The following NCKAP5 variants were observed in gnomAD, a reference collection of about 807,000 sequenced individuals.
NCKAP5 encodes the protein nck-associated protein 5.
NCKAP5 carries 92 observed loss-of-function variants against 167.0 expected under a neutral mutation model. The observed-to-expected ratio is 0.55, with a 90% CI of 0.47 to 0.66. NCKAP5 has a LOEUF of 0.66. Among genes scored for constraint, NCKAP5 ranks in the 30% least tolerant of loss-of-function variants. NCKAP5 has a pLI of 0.00. For synonymous variants in NCKAP5, 891 were observed against 877.4 expected (o/e 1.02, Z -0.27); for missense variants, 2,378 against 2,315.0 (o/e 1.03, Z -0.56).
At chr2:133,107,520 T>C (rs546748857) in intron 6 of NCKAP5, among the ~76,000 whole-genome samples, 1 of 152,314 alleles carries the variant, frequency 6.6e-6, no homozygotes, top group African/African-American at 2.4e-5. Context: ...TTTTGCTGAA[T>C]TATCATATTT....
At chr2:133,639,732 T>G in the NCKAP5 span, among the ~76,000 whole-genome samples, 2 of 152,174 alleles carry the variant, frequency 1.3e-5, no homozygotes, top group Non-Finnish European at 2.9e-5. Flanking sequence ...AATGTACCTC[T>G]GGAAAGGCTG....
At chr2:132,714,889 TTTCTAACATAC>T (rs1689218575) in intron 19 of NCKAP5, 1 of 456,158 alleles carries the variant, frequency 2.2e-6, no homozygotes, top group Non-Finnish European at 4.4e-6. Context: ...GTTATGGGCA[TTTCTAACATAC>T]CCAGCCAAAG....
chr2:133,142,426 C>T (rs1291190341), intron 5 of NCKAP5, among the ~76,000 whole-genome samples: 1 of 152,176 alleles, frequency 6.6e-6, no homozygotes, highest in African/African-American at 2.4e-5. Flanking sequence ...AGAAGAAACG[C>T]TTACATCATG....
intron 11 of NCKAP5, among the ~76,000 whole-genome samples, chr2:132,847,373 G>A (rs974852213): frequency 5.3e-5 from 8 of 152,242 alleles, no homozygotes; most frequent in African/African-American, 1.9e-4. Context: ...TCCTTTCAAA[G>A]AGGAGATAAC....
At chr2:133,352,002 G>T (rs1238441250) in intron 3 of NCKAP5, among the ~76,000 whole-genome samples, 2 of 151,944 alleles carry the variant, frequency 1.3e-5, no homozygotes, top group African/African-American at 4.8e-5. Context: ...CCCTTCCAAG[G>T]TTTTCCATTT....
chr2:132,784,851 G>A lies in NCKAP5; in HGVS notation c.1960C>T (p.Gln654Ter). The A allele has an allele frequency of 6.4e-7, 1 of 1,564,748 alleles. No individual in the cohort carries two copies. The highest frequency in any genetic ancestry group is 8.7e-7 in the Non-Finnish European group (1 of 1,155,912). Residue 654 changes from glutamine to a stop codon, truncating the protein, a stop_gained, in exon 14 of 20, where the codon CAG becomes TAG. Transcript: ENST00000409261. LOFTEE classifies it high-confidence loss of function. The stretch of plus-strand genomic sequence containing the variant: ...GAAGTCCTTTTTACAACTCTTTGCT[G>A]CTTAATGAAACTAAAAGTCTTTGGC... ...TRPKTFSFIKQQRVVKRTSSE... is the reference protein window; with the variant it reads ...TRPKTFSFIK
intron 4 of NCKAP5, among the ~76,000 whole-genome samples, chr2:133,215,825 G>A (rs1377371929): frequency 2.0e-5 from 3 of 152,090 alleles, no homozygotes; most frequent in Non-Finnish European, 4.4e-5. Context: ...TATCAAAAAG[G>A]AAGGGGTAAA....
chr2:133,259,655 G>C (rs1214658894), intron 4 of NCKAP5, among the ~76,000 whole-genome samples: 1 of 152,140 alleles, frequency 6.6e-6, no homozygotes, highest in African/African-American at 2.4e-5. Flanking sequence ...AGAAACCACA[G>C]ATACAAAGTC....
intron 16 of NCKAP5, among the ~76,000 whole-genome samples, chr2:132,755,782 G>A (rs1458007006): frequency 6.6e-6 from 1 of 150,802 alleles, no homozygotes; most frequent in Non-Finnish European, 1.5e-5. Flanking sequence ...AGTGAGCCGA[G>A]ATCGTGCCGC....
At chr2:133,452,012 G>T (rs1441436116) in intron 3 of NCKAP5, among the ~76,000 whole-genome samples, 3 of 152,146 alleles carry the variant, frequency 2.0e-5, no homozygotes, top group African/African-American at 4.8e-5. Context: ...AGGGAAGAAA[G>T]GATTCCATTT....
chr2:132,967,200 C>T (rs2076698337), intron 7 of NCKAP5, among the ~76,000 whole-genome samples: 1 of 146,504 alleles, frequency 6.8e-6, no homozygotes, highest in African/African-American at 2.6e-5. Context: ...CACACACACA[C>T]ATACACACAC....
intron 6 of NCKAP5, among the ~76,000 whole-genome samples, chr2:133,095,477 G>A (rs937836251): frequency 6.6e-6 from 1 of 152,154 alleles, no homozygotes; most frequent in African/African-American, 2.4e-5. Flanking sequence ...AGACCTTGAG[G>A]CTTCTGCTTT....
intron 19 of NCKAP5, among the ~76,000 whole-genome samples, chr2:132,684,100 G>T (rs1275802462): frequency 6.6e-6 from 1 of 152,216 alleles, no homozygotes; most frequent in Non-Finnish European, 1.5e-5. Flanking sequence ...TCAAGTTTAA[G>T]TCAGCCATTT....
At chr2:133,010,474 A>G (rs1033294632) in intron 6 of NCKAP5, among the ~76,000 whole-genome samples, 1 of 152,152 alleles carries the variant, frequency 6.6e-6, no homozygotes, top group East Asian at 1.9e-4. Context: ...TGCTCCTCCA[A>G]TGTGTACATA....
At chr2:133,310,699 C>T (rs1236312514) in intron 3 of NCKAP5, among the ~76,000 whole-genome samples, 2 of 152,174 alleles carry the variant, frequency 1.3e-5, no homozygotes, top group African/African-American at 4.8e-5. Flanking sequence ...TCCTTCATTT[C>T]TGTGTCCTCC....
At chr2:133,605,416 G>A in the NCKAP5 span, among the ~76,000 whole-genome samples, 1 of 152,130 alleles carries the variant, frequency 6.6e-6, no homozygotes. Context: ...CGAGGCTGTG[G>A]TCCCCGACCC....
intron 3 of NCKAP5, among the ~76,000 whole-genome samples, chr2:133,465,529 T>C (rs1471174502): frequency 6.6e-6 from 1 of 152,270 alleles, no homozygotes; most frequent in African/African-American, 2.4e-5. Context: ...TACCCAGTAA[T>C]GGGATGGCTG....
At chr2:133,082,590 T>C (rs2080846848) in intron 6 of NCKAP5, among the ~76,000 whole-genome samples, 1 of 152,144 alleles carries the variant, frequency 6.6e-6, no homozygotes, top group African/African-American at 2.4e-5. Context: ...TACCCACTTC[T>C]GCCATGTTGA....
At chr2:132,864,858 C>G (rs1409395667) in intron 10 of NCKAP5, among the ~76,000 whole-genome samples, 1 of 152,134 alleles carries the variant, frequency 6.6e-6, no homozygotes, top group Non-Finnish European at 1.5e-5. Context: ...GGCCTGGGCT[C>G]TAGTCTTCAT....
Sources: allele counts gnomAD v4.1 joint callset (sites outside exome capture counted in the v4.1 genomes callset), GRCh38; gene constraint gnomAD v4.1.1; transcripts MANE v1.5; gene names NCBI Gene and HGNC (gene_info 2026-07-23, HGNC 2026-07-21).